LIPI: variants seen among roughly 807,000 people sequenced by gnomAD.
The protein encoded by LIPI is lipase I.
Under a neutral mutation model 50.6 loss-of-function variants are expected in LIPI, and 59 were observed. That is an observed-to-expected ratio of 1.16 (90% CI 0.94 to 1.45). The LOEUF (loss-of-function observed/expected upper bound fraction) is 1.45. Among genes scored for constraint, LIPI ranks in the 40% most tolerant of loss-of-function variants. The probability of loss-of-function intolerance (pLI) is 0.00; values close to 1 mark genes in which losing one functional copy is unlikely to be tolerated. For synonymous variants in LIPI, 203 were observed against 178.2 expected, an observed-to-expected ratio of 1.14 and a Z score of -1.11; for missense variants, 586 against 536.3, an observed-to-expected ratio of 1.09 and a Z score of -0.92.
chr21:14,155,704 A>C (rs910144848), intron 7 of LIPI, among the ~76,000 whole-genome samples: 2 of 152,030 alleles, frequency 1.3e-5, no homozygotes, highest in African/African-American at 4.8e-5. Context: ...TGCCAACCTC[A>C]AATCTTACAT....
In LIPI at chr21:14,165,204, C is replaced by T. The variant is rs750176115; in HGVS notation, c.901+19G>A. ...TCATATTAAATAAGAATGATAGTAA[C>T]TATAATAATCTCTCTTACCCAGCCG... On this transcript the variant is annotated intron_variant, in intron 6 of 9. Coordinates refer to ENST00000681601, the MANE Select transcript of LIPI (RefSeq NM_001302998.2). 108 of 1,548,432 alleles carry T rather than the reference C, an allele frequency of 7.0e-5. No homozygotes were observed. Among genetic ancestry groups the T allele is most frequent in the Non-Finnish European group, 9.1e-5 (102 of 1,121,944 alleles).
chr21:14,157,916 G>A (rs1285145326), intron 7 of LIPI, among the ~76,000 whole-genome samples: 1 of 151,744 alleles, frequency 6.6e-6, no homozygotes, highest in Non-Finnish European at 1.5e-5. Flanking sequence ...TGTATTTGAG[G>A]GGGAGGTAAT....
intron 9 of LIPI, among the ~76,000 whole-genome samples, chr21:14,121,862 C>T (rs572750673): frequency 2.6e-5 from 4 of 152,300 alleles, no homozygotes; most frequent in Admixed American, 6.5e-5. Context: ...CCTGCCCCAA[C>T]CACACCAGAG....
intron 4 of LIPI, among the ~76,000 whole-genome samples, chr21:14,167,156 G>C (rs941650844): frequency 6.6e-6 from 1 of 152,198 alleles, no homozygotes; most frequent in African/African-American, 2.4e-5. Flanking sequence ...AGCAAGGCTG[G>C]GGGAGGGGTG....
At position 14,192,626 on chromosome 21, in the gene LIPI, T is replaced by TA. The variant is rs1400934501; in HGVS notation, c.47-3208dup. Among the ~76,000 whole-genome samples, 8 of 152,278 alleles carry TA rather than the reference T, an allele frequency of 5.3e-5. No individual in the cohort carries two copies. In the South Asian group the frequency reaches 1.7e-3, roughly 32 times the overall value. ...AATAAAATTCTAGACAACAAAAACT[T>TA]ACAGAAATCCCTGATGAGATTATAA... On this transcript the variant is annotated intron_variant, in intron 1 of 9. Transcript: ENST00000681601.
At chr21:14,123,395 C>T (rs1339606798) in intron 9 of LIPI, among the ~76,000 whole-genome samples, 1 of 152,086 alleles carries the variant, frequency 6.6e-6, no homozygotes, top group African/African-American at 2.4e-5. Context: ...ACCATCAGGA[C>T]TATATTGGAT....
intron 7 of LIPI, among the ~76,000 whole-genome samples, chr21:14,157,095 AG>A (rs2018301902): frequency 6.6e-6 from 1 of 151,912 alleles, no homozygotes; most frequent in African/African-American, 2.4e-5. Context: ...TTTATAAGAC[AG>A]GGGTTGAAAG....
chr21:14,173,566 T>C (rs2018993721), intron 4 of LIPI, among the ~76,000 whole-genome samples: 1 of 152,196 alleles, frequency 6.6e-6, no homozygotes, highest in Non-Finnish European at 1.5e-5. Context: ...ATAACAATGC[T>C]TTAATCTGGG....
chr21:14,163,001 T>A (rs950387910), intron 7 of LIPI, among the ~76,000 whole-genome samples: 3 of 151,554 alleles, frequency 2.0e-5, no homozygotes, highest in African/African-American at 4.8e-5. Flanking sequence ...CTTACCTAAC[T>A]CTAAATGTAT....
intron 1 of LIPI, 144 bp from the exon 2 acceptor site, chr21:14,189,563 T>A (rs1368576790): frequency 1.4e-6 from 1 of 696,592 alleles, no homozygotes; most frequent in Non-Finnish European, 2.4e-6. Flanking sequence ...GCAACTGCAA[T>A]GTTGAAGGTA....
intron 4 of LIPI, among the ~76,000 whole-genome samples, chr21:14,170,762 T>C (rs948527694): frequency 6.6e-6 from 1 of 151,132 alleles, no homozygotes; most frequent in East Asian, 1.9e-4. Context: ...AATATCATGC[T>C]GAATGGGCAA....
At chr21:14,161,791 ATTAT>A (rs1568858651) in intron 7 of LIPI, among the ~76,000 whole-genome samples, 22 of 42,288 alleles carry the variant, frequency 5.2e-4, no homozygotes, top group East Asian at 1.3e-3. Flanking sequence ...TAATATATAC[ATTAT>A]TATATATTAA....
Position 14,210,792 on chromosome 21 carries a change from T to G in LIPI, c.46+8A>C. ...AAAGATAAATCAAATTATTAATTAA[T>G]ATCTTACCAGATCTCACCCAGCACA... On this transcript the variant is annotated splice_region_variant and intron_variant, in intron 1 of 9. Transcript: ENST00000681601. 2 of 1,125,262 alleles carry G rather than the reference T, an allele frequency of 1.8e-6. No individual in the cohort carries two copies. The highest frequency in any genetic ancestry group is 3.2e-5 in the Admixed American group (1 of 31,308). 69.7% of individuals were successfully genotyped at this position (1,125,262 alleles called of 1,614,324 possible). A position where few individuals can be genotyped will look rare whatever the true frequency, so the allele number is the denominator to read the frequency against.
intron 3 of LIPI, among the ~76,000 whole-genome samples, chr21:14,184,275 G>A (rs1259835006): frequency 3.9e-5 from 6 of 151,956 alleles, no homozygotes; most frequent in Middle Eastern, 3.4e-3. Flanking sequence ...GAATTGAACA[G>A]TGAGAACACA....
intron 1 of LIPI, among the ~76,000 whole-genome samples, chr21:14,206,642 CA>C (rs2020233246): frequency 6.6e-6 from 1 of 152,038 alleles, no homozygotes; most frequent in Non-Finnish European, 1.5e-5. Context: ...AAACCTCCTT[CA>C]TTCTCTTTCC....
At chr21:14,167,062 C>A (rs773245142) in intron 4 of LIPI, among the ~76,000 whole-genome samples, 2 of 152,340 alleles carry the variant, frequency 1.3e-5, no homozygotes, top group African/African-American at 4.8e-5. Context: ...GAGATTATAT[C>A]CCACACATGG....
At chr21:14,160,503 T>C (rs888322274) in intron 7 of LIPI, among the ~76,000 whole-genome samples, 3 of 151,110 alleles carry the variant, frequency 2.0e-5, no homozygotes, top group African/African-American at 7.3e-5. Context: ...TAAATAGAAA[T>C]GGATTTCAGA....
At chr21:14,147,310 CAA>C (rs1379097909) in intron 8 of LIPI, among the ~76,000 whole-genome samples, 1 of 152,068 alleles carries the variant, frequency 6.6e-6, no homozygotes. Flanking sequence ...TGATTTATGT[CAA>C]GACTTTTTTA....
At chr21:14,172,161 A>T (rs1454347672) in intron 4 of LIPI, among the ~76,000 whole-genome samples, 1 of 151,750 alleles carries the variant, frequency 6.6e-6, no homozygotes, top group South Asian at 2.1e-4. Flanking sequence ...TCAAAACCAC[A>T]ATGAGATACC....
Sources: gnomAD v4.1 joint callset for allele counts (sites outside exome capture counted in the v4.1 genomes callset) on GRCh38, gnomAD v4.1.1 for gene constraint, MANE v1.5 for transcripts, NCBI Gene and HGNC (gene_info 2026-07-23, HGNC 2026-07-21) for gene names.